Variants in CD274 observed in about 807,000 individuals in gnomAD.
CD274 encodes CD274 molecule.
A neutral mutation model predicts 30.1 loss-of-function variants in CD274; 8 were observed. That is an observed-to-expected ratio of 0.27 (90% CI 0.16 to 0.48). The LOEUF (loss-of-function observed/expected upper bound fraction) is 0.48, where lower values mean the gene tolerates loss of function less well. Among genes scored for constraint, CD274 ranks in the 20% least tolerant of loss-of-function variants. The pLI, the probability that CD274 is intolerant of heterozygous loss-of-function variation, is 0.99. For missense variants in CD274, 353 were observed against 346.6 expected (o/e 1.02, Z -0.15); for synonymous variants, 152 against 124.6 (o/e 1.22, Z -1.46).
chr9:5,461,213 G>A (rs879750613), intron 3 of CD274, among the ~76,000 whole-genome samples: 3 of 152,076 alleles, frequency 2.0e-5, no homozygotes, highest in Non-Finnish European at 4.4e-5. Flanking sequence ...TACAGTGGCC[G>A]ATAAAAAGTG....
At chr9:5,465,637 C>G (rs780617203) in intron 5 of CD274, 31 bp downstream of exon 5, 1 of 1,301,504 alleles carries the variant, frequency 7.7e-7, no homozygotes, top group Non-Finnish European at 1.1e-6. Flanking sequence ...GTGGTCTCCA[C>G]TGGGGGTGAG....
At chr9:5,458,967 G>A (rs1422191782) in intron 3 of CD274, among the ~76,000 whole-genome samples, 3 of 152,178 alleles carry the variant, frequency 2.0e-5, no homozygotes, top group Non-Finnish European at 4.4e-5. Context: ...CAGTCAGGAA[G>A]AAGGCAGCAT....
At position 5,468,203 on chromosome 9, in the gene CD274, T is replaced by C. The variant is rs756815395; in HGVS notation, c.*341T>C. On this transcript the variant is annotated 3_prime_UTR_variant, in exon 7 of 7. Coordinates refer to ENST00000381577, the MANE Select transcript of CD274 (RefSeq NM_014143.4). ...GGAAGACGGGTTGAGAATCCCTAATTTGAGGGTCAGTTCCTGCAGAAGTGC... is the reference window on the plus strand; with the variant it reads ...GGAAGACGGGTTGAGAATCCCTAATCTGAGGGTCAGTTCCTGCAGAAGTGC... 5.8e-6 allele frequency: 2 copies of C among 345,148 alleles called. No individual in the cohort carries two copies. 21.4% of individuals were successfully genotyped at this position (345,148 alleles called of 1,614,324 possible). A position where few individuals can be genotyped will look rare whatever the true frequency, so the allele number is the denominator to read the frequency against.
At chr9:5,455,874 A>G (rs1426557205) in intron 1 of CD274, among the ~76,000 whole-genome samples, 1 of 151,378 alleles carries the variant, frequency 6.6e-6, no homozygotes, top group East Asian at 1.9e-4. Context: ...AATAAATTTG[A>G]AACTTCTCAT....
chr9:5,464,238 T>G (rs528472403), intron 4 of CD274, among the ~76,000 whole-genome samples: 1 of 152,306 alleles, frequency 6.6e-6, no homozygotes, highest in South Asian at 2.1e-4. Context: ...CAAGCTGTTT[T>G]ATGACAACTT....
chr9:5,465,547 T>C lies in CD274; in HGVS notation c.731T>C (p.Leu244Pro). The change falls in exon 5 of 7, where the codon CTG (leucine) becomes CCG (proline). Residue 244 changes from leucine to proline, a missense_variant. Transcript: ENST00000381577. ...PPNERTHLVI[L>P]GAILLCLGVA... ...AATGAAAGGACTCACTTGGTAATTCTGGGAGCCATCTTATTATGCCTTGGT... is the reference window on the plus strand; with the variant it reads ...AATGAAAGGACTCACTTGGTAATTCCGGGAGCCATCTTATTATGCCTTGGT... 3 of 1,612,784 alleles carry C rather than the reference T, an allele frequency of 1.9e-6. No individual in the cohort carries two copies. Among genetic ancestry groups the C allele is most frequent in the Non-Finnish European group, 2.5e-6 (3 of 1,178,802 alleles).
chr9:5,461,359 A>G (rs1819400896), intron 3 of CD274, among the ~76,000 whole-genome samples: 1 of 152,178 alleles, frequency 6.6e-6, no homozygotes, highest in Non-Finnish European at 1.5e-5. Flanking sequence ...AGATAAGAGA[A>G]TTTGAAAATC....
At position 5,464,855 on chromosome 9, in the gene CD274, G is replaced by A. The variant is rs552943089; in HGVS notation, c.683-644G>A. Among the ~76,000 whole-genome samples the A allele has an allele frequency of 2.6e-5, 4 of 152,324 alleles. No individual in the cohort carries two copies. The East Asian group carries it at 7.7e-4, about 29-fold the overall frequency. On this transcript the variant is annotated intron_variant, in intron 4 of 6. Transcript: ENST00000381577. ...TAATCTCAGCACTTTGGGAGGCCAA[G>A]GTGGGCAGATCACTTGAGGTCAGGA...
At chr9:5,456,034 A>G (rs2131208281) in intron 1 of CD274, 66 bp from the exon 2 acceptor site, 1 of 904,440 alleles carries the variant, frequency 1.1e-6, no homozygotes. Context: ...ACCAAGTCCC[A>G]TATTGTCATA....
chr9:5,457,037 G>A (rs1303127578), intron 2 of CD274, 42 bp from the exon 3 acceptor site: 1 of 1,410,784 alleles, frequency 7.1e-7, no homozygotes, highest in Non-Finnish European at 9.8e-7. Flanking sequence ...AATGTTTCGA[G>A]GAATTTTCCC....
At chr9:5,462,118 TA>T (rs1268672836) in intron 3 of CD274, among the ~76,000 whole-genome samples, 1 of 152,158 alleles carries the variant, frequency 6.6e-6, no homozygotes, top group Non-Finnish European at 1.5e-5. Flanking sequence ...TTAAAACTTC[TA>T]AAATAAAGAA....
chr9:5,462,543 G>A (rs573923020), intron 3 of CD274, among the ~76,000 whole-genome samples: 2 of 152,314 alleles, frequency 1.3e-5, no homozygotes, highest in South Asian at 4.1e-4. Flanking sequence ...TAGTGGTGAA[G>A]TCTGGGGTTT....
At chr9:5,451,209 A>G (rs751313762) in intron 1 of CD274, among the ~76,000 whole-genome samples, 5 of 152,242 alleles carry the variant, frequency 3.3e-5, no homozygotes, top group South Asian at 2.1e-4. Flanking sequence ...CACAAGGAGT[A>G]AAAGTACCAT....
chr9:5,465,262 G>A (rs16923173), intron 4 of CD274, among the ~76,000 whole-genome samples: 15,434 of 152,170 alleles, frequency 0.1, 1,362 homozygotes, highest in African/African-American at 0.23. Context: ...CTCAAAACTG[G>A]TTAAGGGCAG....
rs948992864 is a variant in CD274 at position 5,470,485 on chromosome 9, A to G, written c.*2623A>G. On this transcript the variant is annotated 3_prime_UTR_variant, in exon 7 of 7. Transcript: ENST00000381577. Reference sequence around the variant, plus strand: ...ATAAAATATTCTTATTTATTTTGTTACTTGGTACACCAGCATGTCCATTTT... The same window carrying G: ...ATAAAATATTCTTATTTATTTTGTTGCTTGGTACACCAGCATGTCCATTTT... 4.6e-6 allele frequency: 1 copy of G among 218,902 alleles called. No individual in the cohort carries two copies. The highest frequency in any genetic ancestry group is 2.2e-5 in the African/African-American group (1 of 44,504). 13.6% of individuals were successfully genotyped at this position (218,902 alleles called of 1,614,324 possible).
chr9:5,462,330 T>C (rs1819418844), intron 3 of CD274, among the ~76,000 whole-genome samples: 1 of 152,112 alleles, frequency 6.6e-6, no homozygotes, highest in African/African-American at 2.4e-5. Flanking sequence ...TAAAGACAGA[T>C]TTATAACAAC....
chr9:5,469,476 A>G lies in CD274; in HGVS notation c.*1614A>G, dbSNP rs1416188293. The G allele has an allele frequency of 8.7e-6, 2 of 231,068 alleles. No individual in the cohort carries two copies. The highest frequency in any genetic ancestry group is 1.2e-4 in the East Asian group (2 of 16,246). The allele number at this position is 231,068 out of a possible 1,614,324, so 14.3% of individuals were successfully genotyped here. On this transcript the variant is annotated 3_prime_UTR_variant, in exon 7 of 7. Coordinates refer to ENST00000381577, the MANE Select transcript of CD274 (RefSeq NM_014143.4). ...TAGTCTACATTTGGAAATGTATGTT[A>G]AAAGCACGTATTTTTAAAATTTTTT...
Position 5,462,847 on chromosome 9 carries a change from A to C in CD274, c.408A>C (p.Lys136Asn), listed in dbSNP as rs1819428719. 6.2e-7 allele frequency: 1 copy of C among 1,613,422 alleles called. No individual in the cohort carries two copies. Among genetic ancestry groups the C allele is most frequent in the East Asian group, 2.2e-5 (1 of 44,864 alleles). Residue 136 changes from lysine (K) to asparagine (N), a missense_variant, in exon 4 of 7, where the codon AAA (lysine) becomes AAC (asparagine). By Grantham distance (94) the Lys-to-Asn change is moderately conservative. Coordinates refer to ENST00000381577, the MANE Select transcript of CD274 (RefSeq NM_014143.4). The part of the protein sequence containing the change: ...ITVKVNAPYN[K>N]INQRILVVDP... Reference sequence around the variant, plus strand: ...TTTATGTCCTAGCCCCATACAACAAAATCAACCAAAGAATTTTGGTTGTGG... The same window carrying C: ...TTTATGTCCTAGCCCCATACAACAACATCAACCAAAGAATTTTGGTTGTGG...
intron 1 of CD274, 38 bp from the exon 2 acceptor site, chr9:5,456,062 A>G: frequency 8.9e-7 from 1 of 1,121,506 alleles, no homozygotes; most frequent in Non-Finnish European, 1.4e-6. Context: ...TTTAATTATT[A>G]AGTGAAGCAG....
Sources: gnomAD v4.1 joint callset for allele counts (sites outside exome capture counted in the v4.1 genomes callset) on GRCh38, gnomAD v4.1.1 for gene constraint, MANE v1.5 for transcripts, NCBI Gene and HGNC (gene_info 2026-07-23, HGNC 2026-07-21) for gene names.